Variants in PACC1 observed in about 807,000 individuals in gnomAD.
The protein encoded by PACC1 is proton-activated chloride channel.
Under a neutral mutation model 39.7 loss-of-function variants are expected in PACC1, and 34 were observed. The ratio of observed to expected loss-of-function variants is 0.86; its 90% CI spans 0.65 to 1.14. The LOEUF (loss-of-function observed/expected upper bound fraction) is 1.14. PACC1 is among the 50% of genes most tolerant of loss of function. The probability of loss-of-function intolerance (pLI) is 0.00; values close to 1 mark genes in which losing one functional copy is unlikely to be tolerated. For missense variants in PACC1, 379 were observed against 436.4 expected (o/e 0.87, Z 1.17); for synonymous variants, 127 against 160.6 (o/e 0.79, Z 1.58).
chr1:212,370,022 G>C (rs1011278512), intron 7 of PACC1, among the ~76,000 whole-genome samples: 2 of 152,146 alleles, frequency 1.3e-5, no homozygotes, highest in Admixed American at 6.5e-5. Context: ...AATATTAATA[G>C]ATCTAAAGGG....
intron 5 of PACC1, 75 bp from the exon 6 acceptor site, chr1:212,377,781 G>A (rs1254148627): frequency 1.3e-6 from 2 of 1,552,234 alleles, no homozygotes; most frequent in Non-Finnish European, 1.7e-6. Flanking sequence ...CCCACTGCAA[G>A]CTGGTTTCTT....
intron 6 of PACC1, among the ~76,000 whole-genome samples, chr1:212,376,089 ATACT>A (rs1249632443): frequency 6.6e-6 from 1 of 152,194 alleles, no homozygotes; most frequent in Non-Finnish European, 1.5e-5. Context: ...TTCCCTGTAA[ATACT>A]TAGTAGGTGT....
intron 2 of PACC1, among the ~76,000 whole-genome samples, chr1:212,393,915 T>C (rs1396893148): frequency 6.6e-6 from 1 of 151,816 alleles, no homozygotes; most frequent in East Asian, 1.9e-4. Context: ...AATAGACCAA[T>C]AACAGGCTCT....
At chr1:212,397,764 ACT>A (rs1443908160) in intron 2 of PACC1, among the ~76,000 whole-genome samples, 1 of 152,164 alleles carries the variant, frequency 6.6e-6, no homozygotes, top group Non-Finnish European at 1.5e-5. Context: ...ATCAGCAAAG[ACT>A]CTGTGGAGGG....
At chr1:212,372,700 A>T (rs1422800928) in intron 7 of PACC1, among the ~76,000 whole-genome samples, 1 of 152,228 alleles carries the variant, frequency 6.6e-6, no homozygotes, top group African/African-American at 2.4e-5. Context: ...GCTAACAGCG[A>T]GCAATCTAAA....
At chr1:212,385,024 G>T (rs1558171537) in intron 4 of PACC1, among the ~76,000 whole-genome samples, 1 of 152,206 alleles carries the variant, frequency 6.6e-6, no homozygotes, top group South Asian at 2.1e-4. Context: ...TGGGGACAGG[G>T]TCTCACCGCA....
intron 4 of PACC1, among the ~76,000 whole-genome samples, chr1:212,381,694 T>TACACACACAC (rs747376806): frequency 0.023 from 1,792 of 78,534 alleles, 50 homozygotes; most frequent in East Asian, 0.12. Flanking sequence ...ACACACACAC[T>TACACACACAC]GCACACACAC....
intron 5 of PACC1, 91 bp downstream of exon 5, chr1:212,379,804 C>T (rs955172792): frequency 6.5e-7 from 1 of 1,527,232 alleles, no homozygotes; most frequent in African/African-American, 1.4e-5. Flanking sequence ...CCTTCCCTGC[C>T]CTCACCCCTC....
In PACC1 at chr1:212,385,360, G is replaced by A. The variant is rs1335778775; in HGVS notation, c.409C>T (p.Pro137Ser). The A allele has an allele frequency of 6.2e-7, 1 of 1,614,128 alleles. No individual in the cohort carries two copies. The highest frequency in any genetic ancestry group is 1.7e-5 in the Admixed American group (1 of 60,024). Reference sequence around the variant, plus strand: ...CCCGGCTGGCCAGGGCTTGTCAGAGGAGGAATGACCTCGTAATGGTGCTTA... The same window carrying A: ...CCCGGCTGGCCAGGGCTTGTCAGAGAAGGAATGACCTCGTAATGGTGCTTA... ...SCKHHYEVIP[P>S]LTSPGQPGDM... is the part of the protein sequence containing the mutation. Residue 137 changes from proline (P) to serine (S), a missense_variant, in exon 4 of 8, where the codon CCT becomes TCT. Pro to Ser is a moderately conservative substitution (Grantham distance 74). Coordinates refer to ENST00000261455, the MANE Select transcript of PACC1 (RefSeq NM_018252.3).
At position 212,414,863 on chromosome 1, in the gene PACC1, C is replaced by G. The variant is rs962307504; in HGVS notation, c.-106G>C. 2.0e-6 allele frequency: 3 copies of G among 1,503,782 alleles called. No homozygotes were observed. The highest frequency in any genetic ancestry group is 2.8e-5 in the African/African-American group (2 of 72,236). 93.2% of individuals were successfully genotyped at this position (1,503,782 alleles called of 1,614,324 possible). A position where few individuals can be genotyped will look rare whatever the true frequency, so the allele number is the denominator to read the frequency against. ...GACCTACCGGCTCCGCGAGGCGAAA[C>G]CGGTCCGGAGGGGCGTCCCAGAGAC... On this transcript the variant is annotated 5_prime_UTR_variant, in exon 1 of 8. Transcript: ENST00000261455.
rs1189791066 is a variant in PACC1, at chr1:212,408,110, TAGAG to T, written c.133+2311_133+2314del. Among the ~76,000 whole-genome samples the T allele has an allele frequency of 2.0e-5, 3 of 149,460 alleles. No individual in the cohort carries two copies. The East Asian group carries it at 5.9e-4, about 29-fold the overall frequency. ...AAAAAAGAAAACACCACTGGTGTAGTAGAGAGAGTTTAGGGTTGGGCAGAGTTTG... is the reference window on the plus strand; with the variant it reads ...AAAAAAGAAAACACCACTGGTGTAGTAGAGTTTAGGGTTGGGCAGAGTTTG... On this transcript the variant is annotated intron_variant, in intron 2 of 7. Transcript: ENST00000261455.
intron 7 of PACC1, 91 bp downstream of exon 7, chr1:212,375,102 C>A: frequency 2.9e-6 from 3 of 1,040,950 alleles, no homozygotes; most frequent in Non-Finnish European, 4.2e-6. Flanking sequence ...GACTTCAGGG[C>A]AGCATCATAA....
At chr1:212,411,600 G>T (rs1484717460) in intron 1 of PACC1, among the ~76,000 whole-genome samples, 2 of 152,200 alleles carry the variant, frequency 1.3e-5, no homozygotes, top group Non-Finnish European at 2.9e-5. Flanking sequence ...CCAGAGCTTA[G>T]AAGAGAAGCC....
At chr1:212,407,172 A>G (rs973705248) in intron 2 of PACC1, among the ~76,000 whole-genome samples, 1 of 152,218 alleles carries the variant, frequency 6.6e-6, no homozygotes, top group African/African-American at 2.4e-5. Flanking sequence ...GTGATCACAA[A>G]GGCCCTTTAA....
chr1:212,376,470 A>T (rs1660670218), intron 6 of PACC1, among the ~76,000 whole-genome samples: 1 of 152,210 alleles, frequency 6.6e-6, no homozygotes, highest in Admixed American at 6.5e-5. Context: ...AGTGGGAGCT[A>T]TCAGAAAATC....
rs574060710 is a variant in PACC1, at chr1:212,387,388, A to G, written c.134-288T>C. 8.5e-5 allele frequency among the ~76,000 whole-genome samples: 13 copies of G among 152,354 alleles called. No homozygotes were observed. The East Asian group carries it at 2.1e-3, about 25-fold the overall frequency. On this transcript the variant is annotated intron_variant, in intron 2 of 7. Coordinates refer to ENST00000261455, the MANE Select transcript of PACC1 (RefSeq NM_018252.3). ...AAAGATAAAAAACGATAAAAATGTTAAAAGAAAAAGCAAAAAACAAACAAA... is the reference window on the plus strand; with the variant it reads ...AAAGATAAAAAACGATAAAAATGTTGAAAGAAAAAGCAAAAAACAAACAAA...
At chr1:212,410,812 G>C (rs1243114554) in intron 1 of PACC1, among the ~76,000 whole-genome samples, 3 of 152,204 alleles carry the variant, frequency 2.0e-5, no homozygotes, top group Non-Finnish European at 4.4e-5. Flanking sequence ...CTGAAATTGA[G>C]GTGTTGGCAG....
intron 7 of PACC1, among the ~76,000 whole-genome samples, chr1:212,371,441 G>A (rs1221215937): frequency 6.6e-6 from 1 of 151,618 alleles, no homozygotes; most frequent in African/African-American, 2.4e-5. Context: ...GCCAATAAAG[G>A]AAAACCTAAA....
intron 6 of PACC1, 96 bp from the exon 7 acceptor site, chr1:212,375,396 G>A (rs1429090223): frequency 2.4e-6 from 2 of 841,250 alleles, no homozygotes; most frequent in Non-Finnish European, 4.0e-6. Context: ...GGGGATCATA[G>A]TCTGTGGTTC....
Sources: allele counts gnomAD v4.1 joint callset (sites outside exome capture counted in the v4.1 genomes callset), GRCh38; gene constraint gnomAD v4.1.1; transcripts MANE v1.5; gene names NCBI Gene and HGNC (gene_info 2026-07-23, HGNC 2026-07-21).